ERC2: variants seen among roughly 807,000 people sequenced by gnomAD.
ERC2 encodes the protein ELKS/RAB6-interacting/CAST family member 2, also known as ERC protein 2.
In ERC2, 42 loss-of-function variants were observed where a neutral mutation model predicts 114.8. That is an observed-to-expected ratio of 0.37 (90% confidence interval 0.29 to 0.47). The LOEUF is 0.47. Ranked by LOEUF, ERC2 falls within the 20% of genes least tolerant of loss-of-function variation. The pLI is 0.99. For missense variants in ERC2, 939 were observed against 1,150.7 expected, an observed-to-expected ratio of 0.82 and a Z score of 2.66; for synonymous variants, 454 against 425.5, an observed-to-expected ratio of 1.07 and a Z score of -0.82.
At chr3:55,946,862 A>G (rs1049920798) in intron 13 of ERC2, among the ~76,000 whole-genome samples, 1 of 152,212 alleles carries the variant, frequency 6.6e-6, no homozygotes, top group Non-Finnish European at 1.5e-5. Context: ...ACAATAATTC[A>G]AGGTATCTTC....
At chr3:55,596,009 C>A (rs1474007468) in intron 17 of ERC2, among the ~76,000 whole-genome samples, 1 of 152,330 alleles carries the variant, frequency 6.6e-6, no homozygotes, top group East Asian at 1.9e-4. Flanking sequence ...TTAAACTAAC[C>A]TAAGGTGATC....
chr3:56,203,772 G>T (rs1380862459), intron 3 of ERC2, among the ~76,000 whole-genome samples: 1 of 152,208 alleles, frequency 6.6e-6, no homozygotes, highest in African/African-American at 2.4e-5. Flanking sequence ...CATATGAGTG[G>T]AGGAAGGTAC....
At chr3:56,417,898 T>C (rs1464674489) in intron 2 of ERC2, among the ~76,000 whole-genome samples, 2 of 152,140 alleles carry the variant, frequency 1.3e-5, no homozygotes, top group African/African-American at 4.8e-5. Flanking sequence ...TGTCCTACAA[T>C]GAGGGTAGGA....
At chr3:56,247,681 C>T (rs1338658504) in intron 3 of ERC2, among the ~76,000 whole-genome samples, 1 of 152,054 alleles carries the variant, frequency 6.6e-6, no homozygotes, top group Non-Finnish European at 1.5e-5. Flanking sequence ...TCTAATGAGC[C>T]CCTGAGCTGA....
At chr3:55,717,107 G>A (rs781067138) in intron 15 of ERC2, among the ~76,000 whole-genome samples, 3 of 152,174 alleles carry the variant, frequency 2.0e-5, no homozygotes, top group Non-Finnish European at 4.4e-5. Context: ...AACAGAGTCA[G>A]GTTTTAGGAA....
At chr3:55,534,395 C>CA (rs34419845) in intron 17 of ERC2, among the ~76,000 whole-genome samples, 1,433 of 107,232 alleles carry the variant, frequency 0.013, 38 homozygotes, top group African/African-American at 0.044. Context: ...GAGACCCTGT[C>CA]AAAAAAAAAA....
intron 16 of ERC2, among the ~76,000 whole-genome samples, chr3:55,687,262 G>A (rs925263872): frequency 1.3e-5 from 2 of 152,158 alleles, no homozygotes; most frequent in African/African-American, 4.8e-5. Context: ...AAGAGGCTCT[G>A]AGAAGAAACT....
At position 55,905,339 on chromosome 3, in the gene ERC2, C is replaced by T. The variant is rs150067686; in HGVS notation, c.2404-16790G>A. 3.6e-3 allele frequency among the ~76,000 whole-genome samples: 553 copies of T among 152,320 alleles called. 7 individuals carry two copies. Among genetic ancestry groups the T allele is most frequent in the African/African-American group, 0.013 (527 of 41,574 alleles). ...CAAGCAATCCACCTGCCTCAGCCTC[C>T]CAAAGTGCTGGGATTACAGGCGTGA... On this transcript the variant is annotated intron_variant, in intron 13 of 17. Transcript: ENST00000288221.
intron 10 of ERC2, among the ~76,000 whole-genome samples, chr3:55,997,919 TG>T (rs1559997143): frequency 0.018 from 748 of 41,942 alleles, 21 homozygotes; most frequent in Middle Eastern, 0.033. Flanking sequence ...TGTGTGTGTG[TG>T]TGTTTTTTGT....
chr3:56,309,876 G>C (rs1163038209), intron 2 of ERC2, among the ~76,000 whole-genome samples: 1 of 152,126 alleles, frequency 6.6e-6, no homozygotes, highest in Non-Finnish European at 1.5e-5. Context: ...CCTCCGATTT[G>C]GGCAGGGAAA....
At chr3:55,986,228 G>A (rs1229271506) in intron 11 of ERC2, among the ~76,000 whole-genome samples, 1 of 152,154 alleles carries the variant, frequency 6.6e-6, no homozygotes, top group Non-Finnish European at 1.5e-5. Context: ...TAGCTGCTCT[G>A]ATATGTATAA....
chr3:55,951,980 T>TA (rs2067550007), intron 12 of ERC2, among the ~76,000 whole-genome samples: 2 of 151,524 alleles, frequency 1.3e-5, no homozygotes, highest in African/African-American at 4.8e-5. Context: ...AATAATATTA[T>TA]CTAGTACTAA....
chr3:56,111,125 C>T (rs1325557755), intron 6 of ERC2, among the ~76,000 whole-genome samples: 1 of 152,074 alleles, frequency 6.6e-6, no homozygotes, highest in Non-Finnish European at 1.5e-5. Context: ...AGGAATGTGT[C>T]CTGGTGTGTC....
chr3:55,725,948 T>A (rs1277422247), intron 15 of ERC2, among the ~76,000 whole-genome samples: 1 of 152,226 alleles, frequency 6.6e-6, no homozygotes, highest in African/African-American at 2.4e-5. Context: ...ATGAGTGTCT[T>A]ACCCAATTGC....
At chr3:55,648,841 C>T (rs781118551) in intron 17 of ERC2, among the ~76,000 whole-genome samples, 3 of 151,770 alleles carry the variant, frequency 2.0e-5, no homozygotes, top group Non-Finnish European at 4.4e-5. Flanking sequence ...GCTGCTTCTG[C>T]TTCTGTTATG....
intron 17 of ERC2, among the ~76,000 whole-genome samples, chr3:55,655,511 A>G (rs1262607248): frequency 1.3e-5 from 2 of 152,222 alleles, no homozygotes; most frequent in East Asian, 3.9e-4. Flanking sequence ...CTATTGAAAA[A>G]TGGCACAGAT....
intron 3 of ERC2, among the ~76,000 whole-genome samples, chr3:56,278,047 C>A (rs1024573751): frequency 6.6e-6 from 1 of 152,154 alleles, no homozygotes; most frequent in Non-Finnish European, 1.5e-5. Context: ...ATAGGCTCAG[C>A]TTTACCAGGG....
intron 3 of ERC2, among the ~76,000 whole-genome samples, chr3:56,224,385 G>A: frequency 6.6e-6 from 1 of 152,144 alleles, no homozygotes. Flanking sequence ...AAATAAGAAA[G>A]ATAAAAATGA....
At chr3:55,723,287 A>C (rs1559552088) in intron 15 of ERC2, among the ~76,000 whole-genome samples, 1 of 152,176 alleles carries the variant, frequency 6.6e-6, no homozygotes, top group Non-Finnish European at 1.5e-5. Flanking sequence ...AGTGACAGTT[A>C]TTTCTGAGTA....
Sources: allele counts gnomAD v4.1 joint callset (sites outside exome capture counted in the v4.1 genomes callset), GRCh38; gene constraint gnomAD v4.1.1; transcripts MANE v1.5; gene names NCBI Gene and HGNC (gene_info 2026-07-23, HGNC 2026-07-21).